The following CPAMD8 variants were observed in gnomAD, a reference collection of about 807,000 sequenced individuals.
CPAMD8 encodes C3 and PZP like alpha-2-macroglobulin domain containing 8.
In CPAMD8, 146 loss-of-function variants were observed where a neutral mutation model predicts 224.7. The observed-to-expected ratio is 0.65, with a 90% CI of 0.57 to 0.75. The LOEUF (loss-of-function observed/expected upper bound fraction) is 0.75. Among genes scored for constraint, CPAMD8 ranks in the 30% least tolerant of loss-of-function variants. The pLI is 0.00. For missense variants in CPAMD8, 2,301 were observed against 2,537.5 expected (o/e 0.91, Z 2.00); for synonymous variants, 966 against 1,044.6 (o/e 0.92, Z 1.45).
chr19:17,026,496 C>T, intron 1 of CPAMD8, 55 bp downstream of exon 1: 1 of 1,442,496 alleles, frequency 6.9e-7, no homozygotes, highest in Non-Finnish European at 9.1e-7. Context: ...AGCCAGTACC[C>T]GCGACCCCCA....
Position 17,026,802 on chromosome 19 carries a change from G to T in CPAMD8, c.-160C>A, listed in dbSNP as rs1022124471. ...GCGCCATGCGCCCCGCTCCGCGCCC[G>T]GCCAAGCTGGGGCAGCCCCGGGCCA... On this transcript the variant is annotated 5_prime_UTR_variant, in exon 1 of 42. Transcript: ENST00000443236. 3 of 1,080,500 alleles carry T rather than the reference G, an allele frequency of 2.8e-6. No individual in the cohort carries two copies. The East Asian group carries it at 2.0e-4, about 71-fold the overall frequency. The allele number at this position is 1,080,500 out of a possible 1,614,324, so 66.9% of individuals were successfully genotyped here.
At chr19:16,929,387 A>G (rs2053479201) in intron 23 of CPAMD8, 147 bp from the exon 24 acceptor site, 2 of 648,162 alleles carry the variant, frequency 3.1e-6, no homozygotes, top group South Asian at 3.8e-5. Context: ...TTGGCCTAAC[A>G]ATGGCATTGG....
chr19:16,938,588 C>T (rs1015269865), intron 22 of CPAMD8, 142 bp from the exon 23 acceptor site: 19 of 597,918 alleles, frequency 3.2e-5, no homozygotes, highest in South Asian at 2.7e-4. Context: ...GGTATCAGCA[C>T]GGTCACACCA....
At chr19:17,018,190 G>A (rs1042480771) in intron 3 of CPAMD8, among the ~76,000 whole-genome samples, 36 of 152,196 alleles carry the variant, frequency 2.4e-4, no homozygotes, top group African/African-American at 8.2e-4. Context: ...CCATTCATTC[G>A]TAGACTCCTT....
chr19:16,968,809 T>G (rs2054948594), intron 18 of CPAMD8, among the ~76,000 whole-genome samples: 1 of 151,878 alleles, frequency 6.6e-6, no homozygotes, highest in African/African-American at 2.4e-5. Context: ...ATGGTTAATT[T>G]TTGTATTTGT....
At chr19:16,989,886 CT>C (rs2055879038) in intron 12 of CPAMD8, 115 bp from the exon 13 acceptor site, 1 of 967,334 alleles carries the variant, frequency 1.0e-6, no homozygotes, top group Non-Finnish European at 1.6e-6. Flanking sequence ...TCCAATATCC[CT>C]TTGGGGAACC....
chr19:16,950,367 C>T (rs1358043234), intron 20 of CPAMD8, among the ~76,000 whole-genome samples: 1 of 152,132 alleles, frequency 6.6e-6, no homozygotes, highest in Non-Finnish European at 1.5e-5. Flanking sequence ...TGCAGAAGTA[C>T]ATGCCCCACC....
At chr19:17,019,332 A>G (rs1033840179) in intron 3 of CPAMD8, among the ~76,000 whole-genome samples, 3 of 152,104 alleles carry the variant, frequency 2.0e-5, no homozygotes, top group Admixed American at 1.3e-4. Flanking sequence ...CATGTTGACC[A>G]GGCTGGTCTC....
At chr19:17,001,335 A>C (rs1599881490) in intron 9 of CPAMD8, among the ~76,000 whole-genome samples, 2 of 150,770 alleles carry the variant, frequency 1.3e-5, no homozygotes, top group Admixed American at 6.6e-5. Flanking sequence ...AAAAAAAAAA[A>C]AAAAAAAAAC....
intron 3 of CPAMD8, among the ~76,000 whole-genome samples, chr19:17,015,859 A>T (rs1008483299): frequency 2.0e-5 from 3 of 152,016 alleles, no homozygotes; most frequent in Admixed American, 2.0e-4. Context: ...AAGGGGGCCG[A>T]CCCCAAACGG....
chr19:16,979,352 ATCCATCCATCTG>A (rs1286212666), intron 14 of CPAMD8, among the ~76,000 whole-genome samples: 3 of 146,748 alleles, frequency 2.0e-5, no homozygotes, highest in Non-Finnish European at 3.0e-5. Context: ...CTGTCCATTC[ATCCATCCATCTG>A]TCCATCCATC....
intron 41 of CPAMD8, chr19:16,894,742 A>G (rs912501328): frequency 3.5e-6 from 1 of 285,508 alleles, no homozygotes. Context: ...ACCCAGCAAT[A>G]CAAAAGAACA....
chr19:16,957,982 G>T, intron 18 of CPAMD8, 67 bp from the exon 19 acceptor site: 1 of 1,419,394 alleles, frequency 7.0e-7, no homozygotes, highest in Non-Finnish European at 9.9e-7. Flanking sequence ...GAACCTAGCA[G>T]CTTTGCATTC....
chr19:16,900,137 T>C (rs546908906), intron 36 of CPAMD8, among the ~76,000 whole-genome samples: 81 of 152,174 alleles, frequency 5.3e-4, no homozygotes, highest in African/African-American at 1.9e-3. Context: ...CCCACCCCCA[T>C]GTCCCTCTTC....
intron 3 of CPAMD8, among the ~76,000 whole-genome samples, chr19:17,016,236 CCAGT>C (rs774811698): frequency 3.9e-5 from 6 of 152,282 alleles, no homozygotes; most frequent in South Asian, 4.1e-4. Context: ...ATTACAGGCA[CCAGT>C]CACTGTGCCT....
At chr19:16,910,858 A>G (rs1344788238) in intron 29 of CPAMD8, 6 of 152,448 alleles carry the variant, frequency 3.9e-5, no homozygotes, top group African/African-American at 1.4e-4. Flanking sequence ...GGCAGGGGCT[A>G]GAGTGATGCA....
intron 9 of CPAMD8, among the ~76,000 whole-genome samples, chr19:17,001,545 A>G (rs2056323962): frequency 7.1e-6 from 1 of 140,362 alleles, no homozygotes; most frequent in African/African-American, 2.8e-5. Context: ...GCAGGACTTG[A>G]GGAAGGAATA....
rs371903606 is a variant in CPAMD8 at position 17,012,326 on chromosome 19, T to TTTTC, written c.268-573_268-570dup. On this transcript the variant is annotated intron_variant, in intron 3 of 41. Coordinates refer to ENST00000443236, the MANE Select transcript of CPAMD8 (RefSeq NM_015692.5). ...GAGCCATTGCACCCGGCCATATCTT[T>TTTTC]TTTCTTTCTTTCTTTCTTTCTTTCT... 1.1e-3 allele frequency among the ~76,000 whole-genome samples: 157 copies of TTTTC among 145,670 alleles called. 3 individuals are homozygous for TTTTC. The highest frequency in any genetic ancestry group is 7.5e-3 in the Middle Eastern group (2 of 268).
At chr19:16,914,552 C>T (rs959486498) in intron 28 of CPAMD8, 54 bp from the exon 29 acceptor site, 10 of 1,609,370 alleles carry the variant, frequency 6.2e-6, no homozygotes, top group Non-Finnish European at 6.8e-6. Flanking sequence ...GTCCACTTCC[C>T]CCCACTTCCC....
Sources: gnomAD v4.1 joint callset for allele counts (sites outside exome capture counted in the v4.1 genomes callset) on GRCh38, gnomAD v4.1.1 for gene constraint, MANE v1.5 for transcripts, NCBI Gene and HGNC (gene_info 2026-07-23, HGNC 2026-07-21) for gene names.